Variants in NBAS observed in about 807,000 individuals in gnomAD.
NBAS encodes the protein NBAS subunit of NRZ tethering complex, also known as NAG/BC035112 fusion.
A neutral mutation model predicts 302.5 loss-of-function variants in NBAS; 219 were observed. That is an observed-to-expected ratio of 0.72 (90% CI 0.65 to 0.81). The LOEUF is 0.81. Ranked by LOEUF, NBAS falls within the 30% of genes least tolerant of loss-of-function variation. The probability of loss-of-function intolerance (pLI) is 0.00; values close to 1 mark genes in which losing one functional copy is unlikely to be tolerated. For synonymous variants in NBAS, 1,118 were observed against 1,021.6 expected (o/e 1.09, Z -1.80); for missense variants, 2,932 against 2,841.6 (o/e 1.03, Z -0.72).
the NBAS span, among the ~76,000 whole-genome samples, chr2:15,004,581 A>C: frequency 6.6e-6 from 1 of 151,812 alleles, no homozygotes; most frequent in South Asian, 2.1e-4. Context: ...GGCTCGTGGC[A>C]GCCTCAACCA....
chr2:15,555,437 G>C (rs1302216020), intron 3 of NBAS, among the ~76,000 whole-genome samples: 1 of 151,960 alleles, frequency 6.6e-6, no homozygotes, highest in African/African-American at 2.4e-5. Flanking sequence ...AAGAAAAAGG[G>C]AAAGGACTTG....
intron 5 of NBAS, among the ~76,000 whole-genome samples, chr2:15,551,971 T>G (rs1214967282): frequency 3.9e-5 from 6 of 152,174 alleles, no homozygotes; most frequent in Non-Finnish European, 7.3e-5. Flanking sequence ...AGTCTTATTT[T>G]GAGAAATCAA....
the NBAS span, among the ~76,000 whole-genome samples, chr2:15,070,546 T>C: frequency 1.3e-5 from 2 of 152,068 alleles, no homozygotes; most frequent in East Asian, 3.9e-4. Flanking sequence ...GTCCTACCCC[T>C]TGGTCTCGGC....
chr2:15,362,295 G>C (rs1027566768), intron 32 of NBAS, among the ~76,000 whole-genome samples: 94 of 148,232 alleles, frequency 6.3e-4, no homozygotes, highest in African/African-American at 2.3e-3. Context: ...CTGGAAAACA[G>C]AGCGAGACCT....
In NBAS at chr2:15,186,775, A is replaced by C; in HGVS notation, c.6678T>G (p.Ser2226=). The part of the protein sequence containing the change: ...LGNEVLKMCR[S]LYNTKQMLPA... ...GCAGCATCTGCTTGGTGTTATACAAAGAGCGACACATTTTCAAAACTTCAT... is the reference window on the plus strand; with the variant it reads ...GCAGCATCTGCTTGGTGTTATACAACGAGCGACACATTTTCAAAACTTCAT... The change falls in exon 50 of 52, where the codon TCT becomes TCG. Residue 2226 remains serine, a synonymous_variant. Transcript: ENST00000281513. 6.2e-7 allele frequency: 1 copy of C among 1,613,874 alleles called. No homozygotes were observed. The highest frequency in any genetic ancestry group is 8.5e-7 in the Non-Finnish European group (1 of 1,179,936).
the NBAS span, among the ~76,000 whole-genome samples, chr2:15,098,424 T>A: frequency 7.0e-4 from 27 of 38,716 alleles, 2 homozygotes; most frequent in African/African-American, 2.3e-3. Context: ...TATTGTATAT[T>A]ATATATTATA....
At chr2:14,920,784 T>TG in the NBAS span, among the ~76,000 whole-genome samples, 1 of 152,166 alleles carries the variant, frequency 6.6e-6, no homozygotes, top group Non-Finnish European at 1.5e-5. Context: ...TGAGCCTTCA[T>TG]AGAATTAAAT....
the NBAS span, among the ~76,000 whole-genome samples, chr2:14,977,461 G>A: frequency 4.6e-5 from 7 of 152,188 alleles, no homozygotes; most frequent in East Asian, 3.8e-4. Flanking sequence ...TAGAAATATC[G>A]TAAGGTTTGG....
intron 32 of NBAS, among the ~76,000 whole-genome samples, chr2:15,358,106 T>C (rs1171426826): frequency 6.6e-6 from 1 of 152,124 alleles, no homozygotes; most frequent in Non-Finnish European, 1.5e-5. Context: ...AAGTGACCCA[T>C]TATTTAAGGT....
At chr2:15,399,532 T>C (rs1395518459) in intron 26 of NBAS, among the ~76,000 whole-genome samples, 1 of 152,136 alleles carries the variant, frequency 6.6e-6, no homozygotes, top group Non-Finnish European at 1.5e-5. Context: ...ACTCTGCTGC[T>C]CTCTACTAGG....
the NBAS span, among the ~76,000 whole-genome samples, chr2:15,118,441 G>A: frequency 2.6e-5 from 4 of 152,228 alleles, no homozygotes; most frequent in East Asian, 3.9e-4. Context: ...GCCCATATTC[G>A]CGCCCTTGTT....
At chr2:15,394,770 C>T (rs1252935033) in intron 27 of NBAS, among the ~76,000 whole-genome samples, 3 of 152,010 alleles carry the variant, frequency 2.0e-5, no homozygotes, top group Non-Finnish European at 4.4e-5. Context: ...TAGAGTTAGA[C>T]GACTGGAAAT....
intron 18 of NBAS, 109 bp from the exon 19 acceptor site, chr2:15,467,516 T>C (rs1023572836): frequency 7.8e-7 from 1 of 1,288,704 alleles, no homozygotes; most frequent in South Asian, 1.2e-5. Context: ...CATGAAACAG[T>C]TCAGAAAAGC....
At chr2:15,127,178 C>A in the NBAS span, among the ~76,000 whole-genome samples, 2 of 152,204 alleles carry the variant, frequency 1.3e-5, no homozygotes, top group Non-Finnish European at 2.9e-5. Flanking sequence ...CACTGGACTG[C>A]AAATTATGTA....
At chr2:14,839,067 G>T in the NBAS span, among the ~76,000 whole-genome samples, 1 of 151,898 alleles carries the variant, frequency 6.6e-6, no homozygotes, top group African/African-American at 2.4e-5. Context: ...TGGCAGTGTA[G>T]TAGCAAACTG....
chr2:15,156,777 A>G, the NBAS span, among the ~76,000 whole-genome samples: 1 of 152,246 alleles, frequency 6.6e-6, no homozygotes, highest in South Asian at 2.1e-4. Context: ...GTTCAAGTCC[A>G]TAAACTCTAT....
the NBAS span, among the ~76,000 whole-genome samples, chr2:14,916,086 GA>G: frequency 6.6e-6 from 1 of 152,058 alleles, no homozygotes; most frequent in Non-Finnish European, 1.5e-5. Flanking sequence ...ACCTCCCTGA[GA>G]TTTTTTTTTT....
At chr2:15,191,193 T>C (rs1011865831) in intron 48 of NBAS, among the ~76,000 whole-genome samples, 5 of 152,218 alleles carry the variant, frequency 3.3e-5, no homozygotes, top group African/African-American at 1.2e-4. Context: ...GATGAGTTCA[T>C]AATGATTTGG....
chr2:15,073,280 A>C, the NBAS span, among the ~76,000 whole-genome samples: 1 of 152,086 alleles, frequency 6.6e-6, no homozygotes, highest in Non-Finnish European at 1.5e-5. Flanking sequence ...GGAGTTTGAG[A>C]CCAGCCTGGC....
Sources: gnomAD v4.1 joint callset for allele counts (sites outside exome capture counted in the v4.1 genomes callset) on GRCh38, gnomAD v4.1.1 for gene constraint, MANE v1.5 for transcripts, NCBI Gene and HGNC (gene_info 2026-07-23, HGNC 2026-07-21) for gene names.